EFCAB5: variants seen among roughly 807,000 people sequenced by gnomAD.
The protein encoded by EFCAB5 is EF-hand calcium-binding domain-containing protein 5.
In EFCAB5, 131 loss-of-function variants were observed where a neutral mutation model predicts 167.9. That is an observed-to-expected ratio of 0.78 (90% CI 0.68 to 0.90). The LOEUF (loss-of-function observed/expected upper bound fraction) is 0.90, where lower values mean the gene tolerates loss of function less well. Among genes scored for constraint, EFCAB5 ranks in the 40% least tolerant of loss-of-function variants. EFCAB5 has a pLI of 0.00. For synonymous variants in EFCAB5, 574 were observed against 602.8 expected, an observed-to-expected ratio of 0.95 and a Z score of 0.70; for missense variants, 1,663 against 1,745.2, an observed-to-expected ratio of 0.95 and a Z score of 0.84.
chr17:30,008,744 T>C (rs1339837443), intron 7 of EFCAB5, among the ~76,000 whole-genome samples: 1 of 152,162 alleles, frequency 6.6e-6, no homozygotes, highest in Non-Finnish European at 1.5e-5. Context: ...ATTTTTAAAC[T>C]TTTTTTGGTA....
intron 7 of EFCAB5, among the ~76,000 whole-genome samples, chr17:30,013,518 G>C (rs1184661370): frequency 1.3e-5 from 2 of 152,062 alleles, no homozygotes; most frequent in South Asian, 2.1e-4. Flanking sequence ...ACTTCTTCCT[G>C]GTTTAGTCTT....
chr17:30,045,836 C>A (rs1308135430), intron 8 of EFCAB5, among the ~76,000 whole-genome samples: 1 of 150,302 alleles, frequency 6.7e-6, no homozygotes, highest in African/African-American at 2.5e-5. Context: ...CTGGTCTCTA[C>A]AAAAATAAAT....
chr17:30,034,604 T>C (rs989639588), intron 8 of EFCAB5, among the ~76,000 whole-genome samples: 8 of 152,148 alleles, frequency 5.3e-5, no homozygotes, highest in African/African-American at 1.4e-4. Flanking sequence ...TGTATCTCCA[T>C]GTCCAGAAAG....
chr17:30,054,246 C>G, intron 10 of EFCAB5, 98 bp downstream of exon 10: 1 of 1,422,644 alleles, frequency 7.0e-7, no homozygotes, highest in Non-Finnish European at 9.3e-7. Flanking sequence ...AATTTTTTTT[C>G]TGGCATATCA....
rs755219382 is a variant in EFCAB5 at position 30,053,672 on chromosome 17, C to A, written c.1718C>A (p.Thr573Asn). 2 of 1,613,900 alleles carry A rather than the reference C, an allele frequency of 1.2e-6. No homozygotes were observed. The change falls in exon 10 of 23, where the codon ACT becomes AAT. Residue 573 changes from threonine (T) to asparagine (N), a missense_variant. Transcript: ENST00000394835. ...GAACAAGAAACACACAGAGAGTCAA[C>A]TACAGAACAAGGACAGCACAAAGGG... ...LTEQETHRES[T>N]TEQGQHKGSI...
At chr17:29,974,234 T>G (rs1053476480) in intron 4 of EFCAB5, among the ~76,000 whole-genome samples, 7 of 151,994 alleles carry the variant, frequency 4.6e-5, no homozygotes, top group Admixed American at 1.3e-4. Flanking sequence ...GGCTTTACAT[T>G]TATTTGCAGC....
At chr17:30,078,182 G>A (rs776588669) in intron 14 of EFCAB5, 33 bp from the exon 15 acceptor site, 2 of 1,570,734 alleles carry the variant, frequency 1.3e-6, no homozygotes, top group African/African-American at 2.7e-5. Context: ...TGAACTTTTG[G>A]TTAGTTCTTG....
chr17:29,988,857 A>C (rs964440246), intron 4 of EFCAB5, among the ~76,000 whole-genome samples: 5 of 152,222 alleles, frequency 3.3e-5, no homozygotes, highest in African/African-American at 1.2e-4. Flanking sequence ...TTGCTCTTGA[A>C]CAATAACACC....
chr17:30,058,248 G>A (rs2070331118), intron 13 of EFCAB5, among the ~76,000 whole-genome samples: 1 of 152,184 alleles, frequency 6.6e-6, no homozygotes, highest in African/African-American at 2.4e-5. Flanking sequence ...CCTGGGGTAT[G>A]ATTATGGCCT....
intron 7 of EFCAB5, among the ~76,000 whole-genome samples, chr17:30,023,886 T>A (rs1261132106): frequency 6.6e-6 from 1 of 152,092 alleles, no homozygotes; most frequent in African/African-American, 2.4e-5. Flanking sequence ...TATATGCAAA[T>A]CAATAAATGT....
intron 9 of EFCAB5, among the ~76,000 whole-genome samples, chr17:30,051,600 A>G (rs1295122820): frequency 2.0e-5 from 3 of 152,204 alleles, no homozygotes; most frequent in Non-Finnish European, 2.9e-5. Context: ...CTTCTCACCC[A>G]GGCTGGAGTG....
At chr17:29,973,968 G>A (rs1427964546) in intron 4 of EFCAB5, among the ~76,000 whole-genome samples, 4 of 151,434 alleles carry the variant, frequency 2.6e-5, no homozygotes, top group South Asian at 2.1e-4. Context: ...GACCTCCCTG[G>A]CCAACATGGT....
At chr17:29,949,060 A>C (rs2151530907) in intron 3 of EFCAB5, among the ~76,000 whole-genome samples, 1 of 152,318 alleles carries the variant, frequency 6.6e-6, no homozygotes, top group Non-Finnish European at 1.5e-5. Context: ...CTGCTGGGTC[A>C]ATTTTCACCA....
At chr17:30,003,270 C>T (rs946506841) in intron 7 of EFCAB5, among the ~76,000 whole-genome samples, 3 of 152,026 alleles carry the variant, frequency 2.0e-5, no homozygotes, top group African/African-American at 7.2e-5. Context: ...GGTTCTTGCT[C>T]TGTTACCCAG....
intron 7 of EFCAB5, among the ~76,000 whole-genome samples, chr17:30,017,921 T>C (rs2069086085): frequency 6.6e-6 from 1 of 152,206 alleles, no homozygotes; most frequent in African/African-American, 2.4e-5. Flanking sequence ...TTCCTGTCCT[T>C]TTACAATGTG....
intron 22 of EFCAB5, among the ~76,000 whole-genome samples, chr17:30,096,677 ATTT>A (rs71278522): frequency 0.26 from 14,696 of 57,460 alleles, 1,028 homozygotes; most frequent in East Asian, 0.43. Context: ...ATATATATAT[ATTT>A]TTTTTTTTTT....
At chr17:29,976,139 C>A (rs2068059354) in intron 4 of EFCAB5, among the ~76,000 whole-genome samples, 1 of 152,088 alleles carries the variant, frequency 6.6e-6, no homozygotes, top group Non-Finnish European at 1.5e-5. Context: ...AATATATTGA[C>A]AAACACTTCC....
At chr17:30,101,812 C>T (rs544392528) in intron 22 of EFCAB5, among the ~76,000 whole-genome samples, 3 of 152,214 alleles carry the variant, frequency 2.0e-5, no homozygotes, top group Non-Finnish European at 1.5e-5. Flanking sequence ...GATGGGAAAT[C>T]CTGTAGAAAG....
intron 4 of EFCAB5, among the ~76,000 whole-genome samples, chr17:29,972,204 AT>A (rs11409322): frequency 0.014 from 1,794 of 127,408 alleles, 35 homozygotes; most frequent in African/African-American, 0.046. Flanking sequence ...CGCCCGGCTA[AT>A]TTTTTTTTTT....
Sources: allele counts gnomAD v4.1 joint callset (sites outside exome capture counted in the v4.1 genomes callset), GRCh38; gene constraint gnomAD v4.1.1; transcripts MANE v1.5; gene names NCBI Gene and HGNC (gene_info 2026-07-23, HGNC 2026-07-21).